The following DEPDC5 variants were observed in gnomAD, a reference collection of about 807,000 sequenced individuals.
DEPDC5 encodes DEP domain containing 5, GATOR1 subcomplex subunit.
Under a neutral mutation model 217.3 loss-of-function variants are expected in DEPDC5, and 73 were observed. That is an observed-to-expected ratio of 0.34 (90% CI 0.28 to 0.41). The LOEUF (loss-of-function observed/expected upper bound fraction) is 0.41, where lower values mean the gene tolerates loss of function less well. DEPDC5 is among the 10% of genes least tolerant of loss of function. The pLI is 1.00. For synonymous variants in DEPDC5, 733 were observed against 756.7 expected, an observed-to-expected ratio of 0.97 and a Z score of 0.51; for missense variants, 1,675 against 2,070.1, an observed-to-expected ratio of 0.81 and a Z score of 3.70.
rs1487780320 is a variant in DEPDC5 at position 31,906,294 on chromosome 22, A to C, written c.4609A>C (p.Asn1537His). 6.8e-6 allele frequency: 11 copies of C among 1,613,836 alleles called. No individual in the cohort carries two copies. The East Asian group carries it at 2.0e-4, about 29-fold the overall frequency. The change falls in exon 43 of 43, where the codon AAC (asparagine) becomes CAC (histidine). Residue 1537 changes from asparagine to histidine, a missense_variant. Asn to His is a moderately conservative substitution (Grantham distance 68, BLOSUM62 1). Transcript: ENST00000651528. The surrounding 1 kb of genome is among the most constrained non-coding windows in gnomAD (Gnocchi z 5.1). ...GAACTCCACCAGCTCCACCAACCAGAACATGTTCTGCGAGGAGCGGGTCGG... is the reference window on the plus strand; with the variant it reads ...GAACTCCACCAGCTCCACCAACCAGCACATGTTCTGCGAGGAGCGGGTCGG... ...RRNSTSSTNQNMFCEERVGYN... is the reference protein window; with the variant it reads ...RRNSTSSTNQHMFCEERVGYN...
chr22:31,879,086 A>T (rs1027137985), intron 37 of DEPDC5, among the ~76,000 whole-genome samples: 2 of 138,806 alleles, frequency 1.4e-5, no homozygotes, highest in Non-Finnish European at 3.0e-5. Flanking sequence ...ACACACGTAT[A>T]TATATATACA....
Position 31,797,668 on chromosome 22 carries a change from T to A in DEPDC5, c.836T>A (p.Ile279Asn), listed in dbSNP as rs2086399384. 6 of 1,614,058 alleles carry A rather than the reference T, an allele frequency of 3.7e-6. No homozygotes were observed. The highest frequency in any genetic ancestry group is 5.1e-6 in the Non-Finnish European group (6 of 1,179,976). Residue 279 changes from isoleucine (I) to asparagine (N), a missense_variant, in exon 13 of 43, where the codon ATC (isoleucine) becomes AAC (asparagine). By Grantham distance (149) the Ile-to-Asn change is moderately radical. Around this residue, in one of 11 missense-constraint regions of DEPDC5, gnomAD observed 628 missense variants for 762.1 expected, o/e 0.82. Transcript: ENST00000651528. ...CTCGTAACCATTAAAAAACTCTTCA[T>A]CCAGTATCCAGTGTTGGTGCGACTG... ...SLLVTIKKLF[I>N]QYPVLVRLEQ...
chr22:31,776,908 T>C (rs1000074858), intron 7 of DEPDC5, among the ~76,000 whole-genome samples: 2 of 151,838 alleles, frequency 1.3e-5, no homozygotes, highest in Non-Finnish European at 2.9e-5. Context: ...CAAAAATGCA[T>C]GGAGGAAAAA....
Position 31,906,626 on chromosome 22 carries a change from T to G in DEPDC5, c.*129T>G, listed in dbSNP as rs1031689793. Reference sequence around the variant, plus strand: ...CTATCAGTGAGTGGGGGCCATTGTTTTTTGTTTGTTTGTTTGTTTGTTTGT... The same window carrying G: ...CTATCAGTGAGTGGGGGCCATTGTTGTTTGTTTGTTTGTTTGTTTGTTTGT... On this transcript the variant is annotated 3_prime_UTR_variant, in exon 43 of 43. Transcript: ENST00000651528. The surrounding 1 kb of genome is among the most constrained non-coding windows in gnomAD (Gnocchi z 5.1). 1.7e-6 allele frequency: 2 copies of G among 1,198,764 alleles called. No individual in the cohort carries two copies. Among genetic ancestry groups the G allele is most frequent in the African/African-American group, 3.0e-5 (2 of 65,830 alleles). 74.3% of individuals were successfully genotyped at this position (1,198,764 alleles called of 1,614,324 possible).
intron 8 of DEPDC5, among the ~76,000 whole-genome samples, chr22:31,778,525 C>A (rs1050208522): frequency 2.0e-5 from 3 of 152,148 alleles, no homozygotes; most frequent in Non-Finnish European, 4.4e-5. Context: ...CAAAAATCTG[C>A]TAAGCTCTTG....
At chr22:31,899,527 T>G (rs980591168) in intron 40 of DEPDC5, among the ~76,000 whole-genome samples, 1 of 152,154 alleles carries the variant, frequency 6.6e-6, no homozygotes, top group African/African-American at 2.4e-5. Context: ...TAGCTGGGAT[T>G]ACAGGCACAC....
intron 6 of DEPDC5, among the ~76,000 whole-genome samples, chr22:31,767,402 T>C (rs950188132): frequency 1.3e-5 from 2 of 152,006 alleles, no homozygotes; most frequent in African/African-American, 4.8e-5. Context: ...TTCAAGCGAT[T>C]CTCCTGCCTC....
chr22:31,872,811 G>C (rs1039566413), intron 34 of DEPDC5, among the ~76,000 whole-genome samples: 1 of 152,012 alleles, frequency 6.6e-6, no homozygotes, highest in African/African-American at 2.4e-5. Flanking sequence ...GAGTGCATGA[G>C]TGGCACGACC....
At chr22:31,877,280 CA>C (rs1220643286) in intron 37 of DEPDC5, among the ~76,000 whole-genome samples, 2 of 142,248 alleles carry the variant, frequency 1.4e-5, no homozygotes, top group Admixed American at 1.4e-4. Flanking sequence ...TACTAAAATA[CA>C]AAAAAATTAG....
chr22:31,884,404 C>A lies in DEPDC5; in HGVS notation c.4033+4652C>A, dbSNP rs555296499. Among the ~76,000 whole-genome samples, 7 of 152,324 alleles carry A rather than the reference C, an allele frequency of 4.6e-5. No individual in the cohort carries two copies. In the East Asian group the frequency reaches 1.3e-3, roughly 29 times the overall value. The stretch of plus-strand genomic sequence containing the variant: ...ATCGGGTTTCTGTCTATTCCCTCCG[C>A]TGGAACAGCCTTCCCAATGCAGGGA... On this transcript the variant is annotated intron_variant, in intron 38 of 42. Transcript: ENST00000651528.
rs751595755 is a variant in DEPDC5, at chr22:31,809,664, A to AT, written c.1324+25dup. 4.6e-5 allele frequency: 75 copies of AT among 1,612,934 alleles called. 1 individual carries two copies. Among genetic ancestry groups the AT allele is most frequent in the Admixed American group, 2.2e-4 (13 of 59,964 alleles). On this transcript the variant is annotated intron_variant, in intron 19 of 42. Coordinates refer to ENST00000651528, the MANE Select transcript of DEPDC5 (RefSeq NM_001242896.3). ...GTGATACATGTGAGTATTTTTTGAG[A>AT]TTTTTTTTCTTGCTTTTAAAAAGAG...
chr22:31,817,796 CT>C (rs541060819), intron 21 of DEPDC5, among the ~76,000 whole-genome samples: 24 of 147,280 alleles, frequency 1.6e-4, no homozygotes, highest in Admixed American at 1.4e-4. Flanking sequence ...CTGTACTCAT[CT>C]TTTTTTTTTT....
In DEPDC5 at chr22:31,817,515, T is replaced by C; in HGVS notation, c.1667-1507T>C. On this transcript the variant is annotated intron_variant, in intron 21 of 42. Transcript: ENST00000651528. ...TTTTATTTGTTTGTTTTGAGACAGG[T>C]TCTCACTCTGTTGCCCAGGCTGTAG... 9.0e-6 allele frequency: 4 copies of C among 444,758 alleles called. No homozygotes were observed. The East Asian group carries it at 2.5e-4, about 27-fold the overall frequency. The allele number at this position is 444,758 out of a possible 1,614,324, so 27.6% of individuals were successfully genotyped here. A position where few individuals can be genotyped will look rare whatever the true frequency, so the allele number is the denominator to read the frequency against.
intron 8 of DEPDC5, among the ~76,000 whole-genome samples, chr22:31,783,262 C>T (rs1052637519): frequency 1.3e-5 from 2 of 152,138 alleles, no homozygotes; most frequent in African/African-American, 4.8e-5. Flanking sequence ...ACATGGAAGC[C>T]TTGTTCTTTT....
intron 26 of DEPDC5, 157 bp downstream of exon 26, chr22:31,837,312 T>G (rs1342898398): frequency 1.4e-6 from 1 of 738,950 alleles, no homozygotes; most frequent in African/African-American, 1.8e-5. Flanking sequence ...AAATAAAAAA[T>G]TTTAAAAAAA....
intron 40 of DEPDC5, among the ~76,000 whole-genome samples, chr22:31,898,620 G>T (rs188978823): frequency 6.6e-6 from 1 of 152,302 alleles, no homozygotes; most frequent in African/African-American, 2.4e-5. Flanking sequence ...AAAAGATAAG[G>T]AGATCTCCCC....
In DEPDC5 at chr22:31,787,587, G is replaced by A. The variant is rs548732441; in HGVS notation, c.624+2712G>A. Among the ~76,000 whole-genome samples the A allele has an allele frequency of 4.6e-5, 7 of 152,192 alleles. No homozygotes were observed. In the East Asian group the frequency reaches 7.7e-4, roughly 17 times the overall value. ...TTTGGGAGGCTGAGGTGGGAGAATCGTGTGAAGCCAAAAGTTCGAGTAACC... is the reference window on the plus strand; with the variant it reads ...TTTGGGAGGCTGAGGTGGGAGAATCATGTGAAGCCAAAAGTTCGAGTAACC... On this transcript the variant is annotated intron_variant, in intron 10 of 42. Transcript: ENST00000651528.
In DEPDC5 at chr22:31,817,435, T is replaced by C. The variant is rs1295977280; in HGVS notation, c.1667-1587T>C. On this transcript the variant is annotated intron_variant, in intron 21 of 42. Transcript: ENST00000651528. ...AAAGTGACATCTTTCATATACTTGG[T>C]GGCTTTTTATATATGCATACCCTTG... The C allele has an allele frequency of 8.4e-6, 4 of 476,814 alleles. No homozygotes were observed. The East Asian group carries it at 2.4e-4, about 28-fold the overall frequency. The allele number at this position is 476,814 out of a possible 1,614,324, so 29.5% of individuals were successfully genotyped here. A position where few individuals can be genotyped will look rare whatever the true frequency, so the allele number is the denominator to read the frequency against.
At chr22:31,850,729 T>C (rs2091978579) in intron 31 of DEPDC5, among the ~76,000 whole-genome samples, 1 of 152,050 alleles carries the variant, frequency 6.6e-6, no homozygotes, top group Admixed American at 6.6e-5. Context: ...CTGGGCAACA[T>C]AGTGAGACCC....
Sources: allele counts gnomAD v4.1 joint callset (sites outside exome capture counted in the v4.1 genomes callset), GRCh38; gene constraint gnomAD v4.1.1; regional missense constraint gnomAD v4.1.1; non-coding constraint Gnocchi (gnomAD v3.1); transcripts MANE v1.5; gene names NCBI Gene and HGNC (gene_info 2026-07-23, HGNC 2026-07-21).